CD274: variants seen among roughly 807,000 people sequenced by gnomAD.
CD274 encodes programmed cell death 1 ligand 1.
In CD274, 8 loss-of-function variants were observed where a neutral mutation model predicts 30.1. That is an observed-to-expected ratio of 0.27 (90% CI 0.16 to 0.48). The LOEUF (loss-of-function observed/expected upper bound fraction) is 0.48, where lower values mean the gene tolerates loss of function less well. Ranked by LOEUF, CD274 falls within the 20% of genes least tolerant of loss-of-function variation. CD274 has a pLI of 0.99. For missense variants in CD274, 353 were observed against 346.6 expected (o/e 1.02, Z -0.15); for synonymous variants, 152 against 124.6 (o/e 1.22, Z -1.46).
In CD274 at chr9:5,462,884, T is replaced by A. The variant is rs1819429966; in HGVS notation, c.445T>A (p.Ser149Thr). Residue 149 changes from serine to threonine, a missense_variant, in exon 4 of 7, where the codon TCT (serine) becomes ACT (threonine). Physicochemically the swap from Ser to Thr is moderately conservative, Grantham distance 58. Transcript: ENST00000381577. ...AATTTTGGTTGTGGATCCAGTCACC[T>A]CTGAACATGAACTGACATGTCAGGC... ...QRILVVDPVT[S>T]EHELTCQAEG... The A allele has an allele frequency of 6.2e-7, 1 of 1,614,038 alleles. No individual in the cohort carries two copies. The highest frequency in any genetic ancestry group is 8.5e-7 in the Non-Finnish European group (1 of 1,179,920).
intron 4 of CD274, 81 bp from the exon 5 acceptor site, chr9:5,465,418 C>G (rs756375900): frequency 2.5e-6 from 2 of 788,682 alleles, no homozygotes; most frequent in Non-Finnish European, 4.3e-6. Flanking sequence ...AACTAAACTT[C>G]AAGGATGACC....
chr9:5,459,765 A>C (rs1261746191), intron 3 of CD274, among the ~76,000 whole-genome samples: 2 of 152,156 alleles, frequency 1.3e-5, no homozygotes, highest in Non-Finnish European at 2.9e-5. Flanking sequence ...GGGAAAACGA[A>C]ATGTTCATTC....
intron 1 of CD274, 55 bp from the exon 2 acceptor site, chr9:5,456,045 T>G: frequency 4.1e-6 from 4 of 969,360 alleles, no homozygotes; most frequent in African/African-American, 1.6e-5. Flanking sequence ...TATTGTCATA[T>G]TGTATGTTTA....
chr9:5,457,105 C>T lies in CD274; in HGVS notation c.79C>T (p.Leu27=), dbSNP rs1383983432. 4 of 1,612,658 alleles carry T rather than the reference C, an allele frequency of 2.5e-6. No homozygotes were observed. The highest frequency in any genetic ancestry group is 1.1e-5 in the South Asian group (1 of 91,070). The change falls in exon 3 of 7, where the codon CTA becomes TTA. Residue 27 remains leucine (L), a synonymous_variant. Coordinates refer to ENST00000381577, the MANE Select transcript of CD274 (RefSeq NM_014143.4). ...NAFTVTVPKD[L]YVVEYGSNMT... ...ATTTACTGTCACGGTTCCCAAGGAC[C>T]TATATGTGGTAGAGTATGGTAGCAA...
chr9:5,451,814 A>G (rs1819208871), intron 1 of CD274, among the ~76,000 whole-genome samples: 1 of 152,126 alleles, frequency 6.6e-6, no homozygotes, highest in Non-Finnish European at 1.5e-5. Flanking sequence ...TTAATAAATC[A>G]ACTGTCTTAA....
At chr9:5,459,619 G>A (rs1449897649) in intron 3 of CD274, among the ~76,000 whole-genome samples, 1 of 152,202 alleles carries the variant, frequency 6.6e-6, no homozygotes, top group African/African-American at 2.4e-5. Context: ...AAAGAATTTA[G>A]TTTTGGATTC....
At position 5,452,259 on chromosome 9, in the gene CD274, C is replaced by T. The variant is rs534439771; in HGVS notation, c.-15+1663C>T. Among the ~76,000 whole-genome samples the T allele has an allele frequency of 1.7e-4, 26 of 152,226 alleles. No individual in the cohort carries two copies. In the East Asian group the frequency reaches 4.6e-3, roughly 27 times the overall value. On this transcript the variant is annotated intron_variant, in intron 1 of 6. Coordinates refer to ENST00000381577, the MANE Select transcript of CD274 (RefSeq NM_014143.4). The stretch of plus-strand genomic sequence containing the variant: ...CTCGAACTCCTGACCTCAGGTGATC[C>T]GCCTGCCTCGGCCTCCCAAAGTGCT...
chr9:5,456,215 C>G (rs749430223), intron 2 of CD274, 50 bp downstream of exon 2: 1 of 1,241,342 alleles, frequency 8.1e-7, no homozygotes, highest in Admixed American at 1.9e-5. Context: ...ATATTTTAAC[C>G]ATGAGTTTAA....
chr9:5,465,475 T>C, intron 4 of CD274, 24 bp from the exon 5 acceptor site: 2 of 1,392,016 alleles, frequency 1.4e-6, no homozygotes, highest in East Asian at 2.3e-5. Context: ...AGTCAGTTTG[T>C]TTTCGTTTTG....
intron 3 of CD274, among the ~76,000 whole-genome samples, chr9:5,462,117 C>T (rs1819414951): frequency 6.6e-6 from 1 of 152,026 alleles, no homozygotes; most frequent in Non-Finnish European, 1.5e-5. Flanking sequence ...TTTAAAACTT[C>T]TAAAATAAAG....
At chr9:5,460,797 C>A (rs1260497108) in intron 3 of CD274, among the ~76,000 whole-genome samples, 2 of 152,142 alleles carry the variant, frequency 1.3e-5, no homozygotes, top group African/African-American at 4.8e-5. Flanking sequence ...ATTTTGATTA[C>A]TCATCTCATC....
intron 5 of CD274, chr9:5,465,860 C>A: frequency 3.7e-6 from 1 of 270,788 alleles, no homozygotes; most frequent in Non-Finnish European, 7.0e-6. Context: ...ATGAAAATAA[C>A]CACAGACTTA....
intron 3 of CD274, among the ~76,000 whole-genome samples, chr9:5,457,982 G>A (rs1451430700): frequency 6.6e-6 from 1 of 152,104 alleles, no homozygotes. Flanking sequence ...GTCACCCTAT[G>A]AAGACAAAAA....
intron 4 of CD274, 115 bp downstream of exon 4, chr9:5,463,236 A>T (rs1434659936): frequency 7.5e-6 from 6 of 801,904 alleles, no homozygotes; most frequent in Non-Finnish European, 1.2e-5. Flanking sequence ...TGAATGAATA[A>T]CACTATGTTT....
At chr9:5,451,316 CGATTA>C (rs1563800903) in intron 1 of CD274, among the ~76,000 whole-genome samples, 1 of 151,988 alleles carries the variant, frequency 6.6e-6, no homozygotes, top group African/African-American at 2.4e-5. Flanking sequence ...TTGCTGCATT[CGATTA>C]GATTGGGTAA....
chr9:5,465,058 C>T (rs1176794042), intron 4 of CD274, among the ~76,000 whole-genome samples: 1 of 150,744 alleles, frequency 6.6e-6, no homozygotes, highest in African/African-American at 2.4e-5. Context: ...CTGCACTCCA[C>T]CCTGGGCAAC....
rs1819433928 is a variant in CD274, at chr9:5,463,024, C to T, written c.585C>T (p.Ser195=). 1.2e-6 allele frequency: 2 copies of T among 1,613,734 alleles called. No individual in the cohort carries two copies. Residue 195 remains serine, a synonymous_variant, in exon 4 of 7, where the codon AGC becomes AGT. Transcript: ENST00000381577. ...KREEKLFNVT[S]TLRINTTTNE... ...AGGAGAAGCTTTTCAATGTGACCAG[C>T]ACACTGAGAATCAACACAACAACTA...
In CD274 at chr9:5,462,995, A is replaced by C. The variant is rs772245495; in HGVS notation, c.556A>C (p.Arg186=). Residue 186 remains arginine (R), a synonymous_variant, in exon 4 of 7, where the codon AGA becomes CGA. Transcript: ENST00000381577. The part of the protein sequence containing the change: ...SGKTTTTNSK[R]EEKLFNVTST... ...TAAGACCACCACCACCAATTCCAAGAGAGAGGAGAAGCTTTTCAATGTGAC... is the reference window on the plus strand; with the variant it reads ...TAAGACCACCACCACCAATTCCAAGCGAGAGGAGAAGCTTTTCAATGTGAC... The C allele has an allele frequency of 6.2e-7, 1 of 1,613,956 alleles. No homozygotes were observed. Among genetic ancestry groups the C allele is most frequent in the African/African-American group, 1.3e-5 (1 of 74,902 alleles).
chr9:5,463,616 C>T (rs185817242), intron 4 of CD274, among the ~76,000 whole-genome samples: 2 of 152,316 alleles, frequency 1.3e-5, no homozygotes, highest in South Asian at 2.1e-4. Flanking sequence ...TTATGCCAAA[C>T]ATGAGGGACC....
Sources: allele counts gnomAD v4.1 joint callset (sites outside exome capture counted in the v4.1 genomes callset), GRCh38; gene constraint gnomAD v4.1.1; transcripts MANE v1.5; gene names NCBI Gene and HGNC (gene_info 2026-07-23, HGNC 2026-07-21).